Variants in CARS1 observed in about 807,000 individuals in gnomAD.
CARS1 encodes cysteinyl-tRNA synthetase 1, also known as cysteine--tRNA ligase, cytoplasmic.
In CARS1, 48 loss-of-function variants were observed where a neutral mutation model predicts 106.2. That is an observed-to-expected ratio of 0.45 (90% CI 0.36 to 0.57). The LOEUF (loss-of-function observed/expected upper bound fraction) is 0.57, where lower values mean the gene tolerates loss of function less well. Among genes scored for constraint, CARS1 ranks in the 20% least tolerant of loss-of-function variants. CARS1 has a pLI of 0.00. For missense variants in CARS1, 968 were observed against 1,057.2 expected, an observed-to-expected ratio of 0.92 and a Z score of 1.17; for synonymous variants, 409 against 403.4, an observed-to-expected ratio of 1.01 and a Z score of -0.17.
At chr11:3,055,689 A>AT (rs1016054066) in intron 1 of CARS1, among the ~76,000 whole-genome samples, 11 of 152,264 alleles carry the variant, frequency 7.2e-5, no homozygotes, top group African/African-American at 2.7e-4. Flanking sequence ...TTCTAAAGCT[A>AT]TTTTTAAAAA....
At chr11:3,027,751 A>G in intron 9 of CARS1, 1 of 442,878 alleles carries the variant, frequency 2.3e-6, no homozygotes, top group Non-Finnish European at 4.6e-6. Flanking sequence ...GGCCACCAGA[A>G]GGGTTCCTTG....
Position 3,019,344 on chromosome 11 carries a change from G to C in CARS1, c.1267-77C>G, listed in dbSNP as rs1565046568. 7.6e-7 allele frequency: 1 copy of C among 1,317,566 alleles called. No homozygotes were observed. Among genetic ancestry groups the C allele is most frequent in the Non-Finnish European group, 9.8e-7 (1 of 1,021,358 alleles). The allele number at this position is 1,317,566 out of a possible 1,614,324, so 81.6% of individuals were successfully genotyped here. A position where few individuals can be genotyped will look rare whatever the true frequency, so the allele number is the denominator to read the frequency against. ...CCTTTATCACTTATCACTCCAAGTT[G>C]ATGGCCCTTACATCCTCTGAACTTT... is the stretch of plus-strand genomic sequence containing the variant. On this transcript the variant is annotated intron_variant, in intron 11 of 22. Transcript: ENST00000380525. The surrounding 1 kb of genome is among the most constrained non-coding windows in gnomAD (Gnocchi z 6.2).
rs753080255 is a variant in CARS1, at chr11:3,057,381, G to A, written c.-14C>T. 19 of 1,609,034 alleles carry A rather than the reference G, an allele frequency of 1.2e-5. No homozygotes were observed. In the Admixed American group the frequency reaches 1.7e-4, roughly 14 times the overall value. ...GGAATCTGCCATGGCTGGGAATCCC[G>A]GACCCGCAGCTGCGGCTACAGACAC... is the stretch of plus-strand genomic sequence containing the variant. On this transcript the variant is annotated 5_prime_UTR_variant, in exon 1 of 23. Coordinates refer to ENST00000380525, the MANE Select transcript of CARS1 (RefSeq NM_001014437.3).
chr11:3,002,646 T>G (rs1489067753), intron 20 of CARS1, 46 bp from the exon 21 acceptor site: 6 of 1,612,174 alleles, frequency 3.7e-6, no homozygotes, highest in Non-Finnish European at 5.1e-6. Flanking sequence ...TGCCTCAGGC[T>G]GCTGGGTCTC....
intron 17 of CARS1, 86 bp downstream of exon 17, chr11:3,015,695 A>C: frequency 8.5e-7 from 1 of 1,182,810 alleles, no homozygotes; most frequent in Non-Finnish European, 1.3e-6. Flanking sequence ...GTGGGCAGAC[A>C]GAGGAGGGGC....
chr11:3,051,304 G>C (rs1855670342), intron 1 of CARS1, among the ~76,000 whole-genome samples: 1 of 152,222 alleles, frequency 6.6e-6, no homozygotes, highest in Non-Finnish European at 1.5e-5. Context: ...GGCGCCTGGG[G>C]GGTGCCGGGA....
intron 19 of CARS1, among the ~76,000 whole-genome samples, chr11:3,006,402 C>T (rs764220297): frequency 3.9e-5 from 6 of 152,198 alleles, no homozygotes; most frequent in South Asian, 2.1e-4. Flanking sequence ...GCCGAGATCG[C>T]GCCACTGTAC....
At chr11:3,024,770 C>T (rs1426418808) in intron 10 of CARS1, among the ~76,000 whole-genome samples, 1 of 152,114 alleles carries the variant, frequency 6.6e-6, no homozygotes, top group African/African-American at 2.4e-5. Context: ...CTAATACAAT[C>T]GCTCCATGGT....
rs1386780019 is a variant in CARS1 at position 3,037,052 on chromosome 11, T to C, written c.801+998A>G. ...TTAGTGGAACAACTGGGAAAAAAAT[T>C]ACAGCAGCATTGTTGGTAAGAAGGA... On this transcript the variant is annotated intron_variant, in intron 7 of 22. Coordinates refer to ENST00000380525, the MANE Select transcript of CARS1 (RefSeq NM_001014437.3). The surrounding 1 kb of genome is among the most constrained non-coding windows in gnomAD (Gnocchi z 5.9). Among the ~76,000 whole-genome samples, 1 of 150,560 alleles carries C rather than the reference T, an allele frequency of 6.6e-6. No individual in the cohort carries two copies. Among genetic ancestry groups the C allele is most frequent in the South Asian group, 2.1e-4 (1 of 4,750 alleles).
intron 3 of CARS1, 69 bp downstream of exon 3, chr11:3,042,096 G>T: frequency 8.8e-7 from 1 of 1,141,542 alleles, no homozygotes; most frequent in Non-Finnish European, 1.3e-6. Context: ...GTGCGACAAG[G>T]CACATGGGCT....
Position 3,018,397 on chromosome 11 carries a change from T to C in CARS1, c.1629+11A>G. 3.1e-6 allele frequency: 5 copies of C among 1,593,154 alleles called. No individual in the cohort carries two copies. Among genetic ancestry groups the C allele is most frequent in the Non-Finnish European group, 4.3e-6 (5 of 1,161,466 alleles). On this transcript the variant is annotated intron_variant, in intron 14 of 22. Coordinates refer to ENST00000380525, the MANE Select transcript of CARS1 (RefSeq NM_001014437.3). ...GCTCCACCAACCTCCAGGAAGGGGC[T>C]GGGGACTCACATTCAAGAACTTCTC...
Position 3,028,702 on chromosome 11 carries a change from T to C in CARS1, c.1031+294A>G, listed in dbSNP as rs907245037. On this transcript the variant is annotated intron_variant, in intron 9 of 22. Transcript: ENST00000380525. This position sits in a 1 kb window ranked among gnomAD's most constrained non-coding sequence, Gnocchi z 4.4. The stretch of plus-strand genomic sequence containing the variant: ...TGATGTCTGTGAAGGCCCAGCAGTA[T>C]TCGCACTCACCATTATGCAGCTCTG... 4.4e-6 allele frequency: 2 copies of C among 456,524 alleles called. No individual in the cohort carries two copies. Among genetic ancestry groups the C allele is most frequent in the African/African-American group, 3.9e-5 (2 of 51,028 alleles). The allele number at this position is 456,524 out of a possible 1,614,324, so 28.3% of individuals were successfully genotyped here. A position where few individuals can be genotyped will look rare whatever the true frequency, so the allele number is the denominator to read the frequency against.
intron 18 of CARS1, chr11:3,009,233 T>C (rs1850209054): frequency 6.6e-6 from 1 of 152,202 alleles, no homozygotes; most frequent in Admixed American, 6.5e-5. Flanking sequence ...TCAGGGCCCA[T>C]CCATCCATGG....
intron 1 of CARS1, among the ~76,000 whole-genome samples, chr11:3,056,461 T>C (rs1374919552): frequency 1.3e-5 from 2 of 152,204 alleles, no homozygotes; most frequent in African/African-American, 4.8e-5. Context: ...TCTCAAGGTC[T>C]ACCCGCTGGT....
chr11:3,017,610 T>C lies in CARS1; in HGVS notation c.1727+247A>G, dbSNP rs2134142418. On this transcript the variant is annotated intron_variant, in intron 15 of 22. Coordinates refer to ENST00000380525, the MANE Select transcript of CARS1 (RefSeq NM_001014437.3). This position sits in a 1 kb window ranked among gnomAD's most constrained non-coding sequence, Gnocchi z 4.9. Reference sequence around the variant, plus strand: ...GTGAGCCGAGATCACGCCACTGCACTCCAGCCTGGGCAACAAGGGCGAAAC... The same window carrying C: ...GTGAGCCGAGATCACGCCACTGCACCCCAGCCTGGGCAACAAGGGCGAAAC... The C allele has an allele frequency of 3.6e-6, 2 of 562,494 alleles. No homozygotes were observed. Among genetic ancestry groups the C allele is most frequent in the Non-Finnish European group, 6.3e-6 (2 of 319,172 alleles). The allele number at this position is 562,494 out of a possible 1,614,324, so 34.8% of individuals were successfully genotyped here.
chr11:3,035,271 A>G (rs1461171205), intron 7 of CARS1, among the ~76,000 whole-genome samples: 1 of 152,084 alleles, frequency 6.6e-6, no homozygotes, highest in African/African-American at 2.4e-5. Flanking sequence ...AAAGGGGGAG[A>G]GATGGGGGCA....
Position 3,028,882 on chromosome 11 carries a change from C to T in CARS1, c.1031+114G>A, listed in dbSNP as rs922557120. 6.6e-6 allele frequency: 5 copies of T among 757,326 alleles called. No homozygotes were observed. The East Asian group carries it at 9.8e-5, about 15-fold the overall frequency. The allele number at this position is 757,326 out of a possible 1,614,324, so 46.9% of individuals were successfully genotyped here. On this transcript the variant is annotated intron_variant, in intron 9 of 22. Transcript: ENST00000380525. The surrounding 1 kb of genome is among the most constrained non-coding windows in gnomAD (Gnocchi z 4.4). The stretch of plus-strand genomic sequence containing the variant: ...AAGTCTGCTGGGACTTCTAGCTACG[C>T]AGCCCCAGAACACCTGCTCCTCTGC...
rs922985100 is a variant in CARS1 at position 3,048,070 on chromosome 11, G to A, written c.26-69C>T. On this transcript the variant is annotated intron_variant, in intron 1 of 22. Transcript: ENST00000380525. The surrounding 1 kb of genome is among the most constrained non-coding windows in gnomAD (Gnocchi z 5.1). ...AGCCCAGAGGCCGCCAGAAAGACAG[G>A]GACTAGGGGATGGCACAGAACCAAG... 6.3e-5 allele frequency: 99 copies of A among 1,568,560 alleles called. No individual in the cohort carries two copies. The African/African-American group carries it at 9.9e-4, about 16-fold the overall frequency.
Position 3,048,039 on chromosome 11 carries a change from G to C in CARS1, c.26-38C>G. 1 of 1,600,722 alleles carries C rather than the reference G, an allele frequency of 6.2e-7. No homozygotes were observed. The highest frequency in any genetic ancestry group is 8.5e-7 in the Non-Finnish European group (1 of 1,170,880). ...AGGGCACATGGTGTCAGGCAGGCAG[G>C]CGGGCAGCCCAGAGGCCGCCAGAAA... On this transcript the variant is annotated intron_variant, in intron 1 of 22. Transcript: ENST00000380525. This position sits in a 1 kb window ranked among gnomAD's most constrained non-coding sequence, Gnocchi z 5.1.
Sources: gnomAD v4.1 joint callset for allele counts (sites outside exome capture counted in the v4.1 genomes callset) on GRCh38, gnomAD v4.1.1 for gene constraint, Gnocchi (gnomAD v3.1) non-coding constraint, MANE v1.5 for transcripts, NCBI Gene and HGNC (gene_info 2026-07-23, HGNC 2026-07-21) for gene names.